The following CDH4 variants were observed in gnomAD, a reference collection of about 807,000 sequenced individuals.
The protein encoded by CDH4 is cadherin 4, also known as cadherin-4.
Under a neutral mutation model 86.0 loss-of-function variants are expected in CDH4, and 33 were observed. The observed-to-expected ratio is 0.38, with a 90% CI of 0.29 to 0.51. The LOEUF is 0.51. CDH4 is among the 20% of genes least tolerant of loss of function. The pLI is 0.86. For synonymous variants in CDH4, 555 were observed against 549.4 expected, an observed-to-expected ratio of 1.01 and a Z score of -0.14; for missense variants, 1,114 against 1,307.4, an observed-to-expected ratio of 0.85 and a Z score of 2.28.
intron 4 of CDH4, among the ~76,000 whole-genome samples, chr20:61,815,740 A>AGG (rs1010586749): frequency 7.2e-5 from 11 of 152,168 alleles, no homozygotes; most frequent in African/African-American, 2.2e-4. Context: ...AAAATAAACC[A>AGG]AAGGAACACC....
rs1165570771 is a variant in CDH4 at position 61,938,784 on chromosome 20, C to T, written c.*1841C>T. 6 of 152,410 alleles carry T rather than the reference C, an allele frequency of 3.9e-5. No individual in the cohort carries two copies. The highest frequency in any genetic ancestry group is 6.5e-5 in the Admixed American group (1 of 15,290). 9.4% of individuals were successfully genotyped at this position (152,410 alleles called of 1,614,324 possible). ...CTGTGCCAGGCTCACGGCATGTTCCCGTTGGATGTCAGGGTCCTTGTCCAA... is the reference window on the plus strand; with the variant it reads ...CTGTGCCAGGCTCACGGCATGTTCCTGTTGGATGTCAGGGTCCTTGTCCAA... On this transcript the variant is annotated 3_prime_UTR_variant, in exon 16 of 16. Coordinates refer to ENST00000614565, the MANE Select transcript of CDH4 (RefSeq NM_001794.5).
chr20:61,483,740 C>T (rs966099711), intron 2 of CDH4, among the ~76,000 whole-genome samples: 3 of 149,392 alleles, frequency 2.0e-5, no homozygotes, highest in African/African-American at 7.4e-5. Context: ...GGATGCATGC[C>T]CTGGAGAAAC....
rs1984710437 is a variant in CDH4, at chr20:61,889,601, ATGATGGGTGGATAGATGATGGATGGATG to A, written c.1051-5308_1051-5281del. Among the ~76,000 whole-genome samples the A allele has an allele frequency of 1.5e-3, 13 of 8,678 alleles. No individual in the cohort carries two copies. The Admixed American group carries it at 0.015, about 10-fold the overall frequency. 5.7% of individuals were successfully genotyped at this position (8,678 alleles called of 152,430 possible). ...GATGAATGAGTTAGTGGATGGATGG[ATGATGGGTGGATAGATGATGGATGGATG>A]GATGGATAGGTGGATGATGGATGGG... On this transcript the variant is annotated intron_variant, in intron 7 of 15. Coordinates refer to ENST00000614565, the MANE Select transcript of CDH4 (RefSeq NM_001794.5).
At chr20:61,816,697 GC>G (rs375466598) in intron 4 of CDH4, among the ~76,000 whole-genome samples, 11 of 151,530 alleles carry the variant, frequency 7.3e-5, no homozygotes, top group Non-Finnish European at 1.2e-4. Flanking sequence ...ATGGGGGGGG[GC>G]GGTTTGTGGG....
intron 2 of CDH4, among the ~76,000 whole-genome samples, chr20:61,512,505 G>A (rs1568871558): frequency 6.6e-6 from 1 of 152,158 alleles, no homozygotes; most frequent in East Asian, 1.9e-4. Flanking sequence ...TGTCGCCAAA[G>A]CCCCACTCAC....
chr20:61,490,115 A>G (rs1396636581), intron 2 of CDH4, among the ~76,000 whole-genome samples: 2 of 152,224 alleles, frequency 1.3e-5, no homozygotes, highest in Non-Finnish European at 2.9e-5. Context: ...CTGTGGCCCA[A>G]CAATTTTTTT....
At chr20:61,839,478 ATG>A (rs566315023) in intron 4 of CDH4, among the ~76,000 whole-genome samples, 268 of 144,170 alleles carry the variant, frequency 1.9e-3, no homozygotes, top group African/African-American at 2.9e-3. Flanking sequence ...GTGCATGTGT[ATG>A]TGTGTTTGTG....
intron 2 of CDH4, among the ~76,000 whole-genome samples, chr20:61,619,330 A>G (rs1192306935): frequency 1.3e-5 from 2 of 152,188 alleles, no homozygotes; most frequent in African/African-American, 2.4e-5. Context: ...GCTTCCTGCT[A>G]TGTGATGTGG....
intron 5 of CDH4, among the ~76,000 whole-genome samples, chr20:61,845,476 A>C (rs1035481233): frequency 1.3e-5 from 2 of 152,220 alleles, no homozygotes; most frequent in African/African-American, 4.8e-5. Context: ...GGCCTGGGCC[A>C]TGGTGAAAGC....
intron 2 of CDH4, among the ~76,000 whole-genome samples, chr20:61,591,665 G>A (rs551919156): frequency 1.3e-5 from 2 of 152,286 alleles, no homozygotes; most frequent in Admixed American, 6.5e-5. Context: ...AGCTGAAGTC[G>A]TGTCATTGAA....
chr20:61,697,309 A>G (rs1238906955), intron 2 of CDH4, among the ~76,000 whole-genome samples: 1 of 152,172 alleles, frequency 6.6e-6, no homozygotes, highest in Non-Finnish European at 1.5e-5. Context: ...GCACAGAAAT[A>G]AGACAGAAGG....
intron 2 of CDH4, among the ~76,000 whole-genome samples, chr20:61,549,879 T>C (rs1394026645): frequency 1.3e-5 from 2 of 152,224 alleles, no homozygotes; most frequent in African/African-American, 2.4e-5. Flanking sequence ...CTTTGCAGAA[T>C]GGGCGCTTCC....
chr20:61,879,055 A>G lies in CDH4; in HGVS notation c.1050+5155A>G, dbSNP rs1984165203. Among the ~76,000 whole-genome samples the G allele has an allele frequency of 6.6e-6, 1 of 152,222 alleles. No individual in the cohort carries two copies. Among genetic ancestry groups the G allele is most frequent in the Non-Finnish European group, 1.5e-5 (1 of 68,032 alleles). ...ATTTTCAGCAGCAAACAATAAAACAACAACAGGTTTTAAGACAACGGCTCC... is the reference window on the plus strand; with the variant it reads ...ATTTTCAGCAGCAAACAATAAAACAGCAACAGGTTTTAAGACAACGGCTCC... On this transcript the variant is annotated intron_variant, in intron 7 of 15. Coordinates refer to ENST00000614565, the MANE Select transcript of CDH4 (RefSeq NM_001794.5). The surrounding 1 kb of genome is among the most constrained non-coding windows in gnomAD (Gnocchi z 4.1).
At chr20:61,796,327 T>G (rs1979535610) in intron 4 of CDH4, among the ~76,000 whole-genome samples, 1 of 151,896 alleles carries the variant, frequency 6.6e-6, no homozygotes, top group Admixed American at 6.6e-5. Flanking sequence ...TCAAAGCCGC[T>G]CTCTGGCCCC....
intron 7 of CDH4, among the ~76,000 whole-genome samples, chr20:61,882,533 G>A (rs1165044487): frequency 2.0e-5 from 3 of 152,188 alleles, no homozygotes; most frequent in Non-Finnish European, 2.9e-5. Context: ...AAGGCACCAG[G>A]AGGCCTGGGC....
intron 2 of CDH4, among the ~76,000 whole-genome samples, chr20:61,481,722 G>A (rs1490246326): frequency 2.0e-5 from 3 of 152,144 alleles, no homozygotes; most frequent in Non-Finnish European, 4.4e-5. Flanking sequence ...TACAAATGGG[G>A]GTTAAAAATG....
intron 3 of CDH4, among the ~76,000 whole-genome samples, chr20:61,765,841 G>A (rs1294725405): frequency 1.3e-5 from 2 of 152,058 alleles, no homozygotes; most frequent in African/African-American, 2.4e-5. Flanking sequence ...CTCATCCAGG[G>A]AGGAGAGCCC....
chr20:61,450,433 G>A (rs933625944), intron 2 of CDH4, among the ~76,000 whole-genome samples: 1 of 152,112 alleles, frequency 6.6e-6, no homozygotes, highest in African/African-American at 2.4e-5. Flanking sequence ...ACAGCAGTGG[G>A]GGCTGAGATG....
At chr20:61,845,863 C>G (rs570501930) in intron 5 of CDH4, among the ~76,000 whole-genome samples, 2 of 152,230 alleles carry the variant, frequency 1.3e-5, no homozygotes, top group African/African-American at 4.8e-5. Context: ...GAACAGGGCC[C>G]GACCCTGCAG....
Sources: allele counts gnomAD v4.1 joint callset (sites outside exome capture counted in the v4.1 genomes callset), GRCh38; gene constraint gnomAD v4.1.1; non-coding constraint Gnocchi (gnomAD v3.1); transcripts MANE v1.5; gene names NCBI Gene and HGNC (gene_info 2026-07-23, HGNC 2026-07-21).